The following ATG5 variants were observed in gnomAD, a reference collection of about 807,000 sequenced individuals.
The protein encoded by ATG5 is autophagy protein 5.
ATG5 carries 14 observed loss-of-function variants against 36.5 expected under a neutral mutation model. That is an observed-to-expected ratio of 0.38 (90% CI 0.25 to 0.60). The LOEUF is 0.60. Among genes scored for constraint, ATG5 ranks in the 20% least tolerant of loss-of-function variants. ATG5 has a pLI of 0.60. For missense variants in ATG5, 195 were observed against 326.7 expected, an observed-to-expected ratio of 0.60 and a Z score of 3.11; for synonymous variants, 95 against 101.5, an observed-to-expected ratio of 0.94 and a Z score of 0.38.
At chr6:106,305,764 C>T (rs2114659180) in intron 3 of ATG5, among the ~76,000 whole-genome samples, 1 of 152,348 alleles carries the variant, frequency 6.6e-6, no homozygotes, top group African/African-American at 2.4e-5. Context: ...ATTCACAGAA[C>T]TATCCTATTT....
chr6:106,238,933 G>GA (rs771809498), intron 6 of ATG5, among the ~76,000 whole-genome samples: 3 of 152,164 alleles, frequency 2.0e-5, no homozygotes, highest in East Asian at 3.9e-4. Flanking sequence ...TGGAGGGGGG[G>GA]AACCCAATAA....
chr6:106,204,253 A>G (rs982451551), intron 6 of ATG5, among the ~76,000 whole-genome samples: 2 of 152,192 alleles, frequency 1.3e-5, no homozygotes, highest in South Asian at 2.1e-4. Context: ...AATAAAAATA[A>G]GTAGAAAAAA....
intron 3 of ATG5, among the ~76,000 whole-genome samples, chr6:106,294,721 C>T (rs1780463400): frequency 6.6e-6 from 1 of 151,214 alleles, no homozygotes; most frequent in Admixed American, 6.6e-5. Flanking sequence ...CACACACCTG[C>T]AGCCCTAGCT....
At chr6:106,311,363 T>A (rs998070681) in intron 2 of ATG5, among the ~76,000 whole-genome samples, 1 of 152,194 alleles carries the variant, frequency 6.6e-6, no homozygotes, top group Non-Finnish European at 1.5e-5. Flanking sequence ...TTTAACCTGA[T>A]CTTGAGTTTC....
chr6:106,294,826 G>A (rs1273449965), intron 3 of ATG5, among the ~76,000 whole-genome samples: 2 of 136,432 alleles, frequency 1.5e-5, no homozygotes, highest in East Asian at 4.1e-4. Flanking sequence ...CTGGACGACA[G>A]AGTGAGACCT....
At chr6:106,288,432 A>T (rs1780171779) in intron 4 of ATG5, among the ~76,000 whole-genome samples, 1 of 152,204 alleles carries the variant, frequency 6.6e-6, no homozygotes, top group Admixed American at 6.5e-5. Flanking sequence ...TTGTTTTGGT[A>T]AACAAAACAT....
intron 4 of ATG5, among the ~76,000 whole-genome samples, chr6:106,285,077 C>T (rs972280723): frequency 6.6e-6 from 1 of 152,132 alleles, no homozygotes; most frequent in Non-Finnish European, 1.5e-5. Flanking sequence ...CTGATATTAT[C>T]CCAGAGGCTC....
At chr6:106,217,234 A>AT (rs1777075311) in intron 6 of ATG5, among the ~76,000 whole-genome samples, 1 of 152,182 alleles carries the variant, frequency 6.6e-6, no homozygotes, top group Non-Finnish European at 1.5e-5. Flanking sequence ...CATCATGGTG[A>AT]TTTTAAGTTA....
intron 6 of ATG5, among the ~76,000 whole-genome samples, chr6:106,221,310 A>G (rs951730433): frequency 6.6e-6 from 1 of 152,226 alleles, no homozygotes; most frequent in African/African-American, 2.4e-5. Context: ...AATACTATCA[A>G]ATAATTAGCT....
chr6:106,325,023 T>A (rs1771236144), intron 1 of ATG5, among the ~76,000 whole-genome samples: 1 of 152,204 alleles, frequency 6.6e-6, no homozygotes, highest in Admixed American at 6.5e-5. Context: ...TTCAGGATAA[T>A]TTTAAAATAA....
intron 6 of ATG5, among the ~76,000 whole-genome samples, chr6:106,204,415 T>C: frequency 6.6e-6 from 1 of 152,194 alleles, no homozygotes; most frequent in South Asian, 2.1e-4. Flanking sequence ...ATAATATGCA[T>C]TGAATATGAT....
chr6:106,284,728 GT>G (rs78799354), intron 4 of ATG5, among the ~76,000 whole-genome samples: 70 of 132,720 alleles, frequency 5.3e-4, no homozygotes, highest in Non-Finnish European at 4.7e-4. Flanking sequence ...GGTTTTTTTT[GT>G]TTTTTTTTTT....
At position 106,279,783 on chromosome 6, in the gene ATG5, T is replaced by C. The variant is rs755438780; in HGVS notation, c.356A>G (p.Asp119Gly). The C allele has an allele frequency of 1.2e-5, 20 of 1,605,866 alleles. No individual in the cohort carries two copies. Among genetic ancestry groups the C allele is most frequent in the Non-Finnish European group, 1.6e-5 (19 of 1,175,766 alleles). Residue 119 changes from aspartate to glycine, a missense_variant, in exon 5 of 8, where the codon GAT (aspartate) becomes GGT (glycine). Physicochemically the swap from Asp to Gly is moderately conservative, Grantham distance 94. Coordinates refer to ENST00000369076, the MANE Select transcript of ATG5 (RefSeq NM_004849.4). ...TGACATAAAATGAGCTTCAATTGCA[T>C]CCTTAGATGGACAGTGCAGAAGGTC... Reference protein sequence around the residue: ...EKDLLHCPSKDAIEAHFMSCM... With the variant: ...EKDLLHCPSKGAIEAHFMSCM...
At chr6:106,203,204 C>T (rs1378754476) in intron 6 of ATG5, among the ~76,000 whole-genome samples, 2 of 152,176 alleles carry the variant, frequency 1.3e-5, no homozygotes, top group African/African-American at 2.4e-5. Flanking sequence ...AGCACTACAT[C>T]GTAATTTATT....
At chr6:106,252,268 T>C (rs925794500) in intron 5 of ATG5, among the ~76,000 whole-genome samples, 2 of 152,190 alleles carry the variant, frequency 1.3e-5, no homozygotes, top group Non-Finnish European at 2.9e-5. Context: ...TAGTTTCTTT[T>C]TATAAAACTT....
At chr6:106,227,589 A>G (rs1309742820) in intron 6 of ATG5, among the ~76,000 whole-genome samples, 3 of 152,198 alleles carry the variant, frequency 2.0e-5, no homozygotes, top group Non-Finnish European at 4.4e-5. Flanking sequence ...CTGTCTCTAT[A>G]AAGAAAAAAT....
chr6:106,273,545 T>G (rs984947563), intron 5 of ATG5, among the ~76,000 whole-genome samples: 4 of 152,170 alleles, frequency 2.6e-5, no homozygotes, highest in Admixed American at 2.0e-4. Context: ...GTATTTGTAA[T>G]AAAACTCCAG....
chr6:106,271,269 G>C (rs1779442646), intron 5 of ATG5, among the ~76,000 whole-genome samples: 1 of 152,182 alleles, frequency 6.6e-6, no homozygotes, highest in Admixed American at 6.5e-5. Flanking sequence ...TGGACTGAAT[G>C]TTTACATCCC....
At chr6:106,319,359 A>G (rs1001726688) in intron 1 of ATG5, among the ~76,000 whole-genome samples, 1 of 152,222 alleles carries the variant, frequency 6.6e-6, no homozygotes, top group African/African-American at 2.4e-5. Flanking sequence ...TTTGCAGTAA[A>G]CACTGCTAAT....
Sources: allele counts gnomAD v4.1 joint callset (sites outside exome capture counted in the v4.1 genomes callset), GRCh38; gene constraint gnomAD v4.1.1; transcripts MANE v1.5; gene names NCBI Gene and HGNC (gene_info 2026-07-23, HGNC 2026-07-21).